Variants in SINHCAF observed in about 807,000 individuals in gnomAD.
SINHCAF encodes SIN3-HDAC complex associated factor, also known as SIN3-HDAC complex-associated factor.
SINHCAF carries 3 observed loss-of-function variants against 25.8 expected under a neutral mutation model. That is an observed-to-expected ratio of 0.12 (90% CI 0.05 to 0.30). The LOEUF is 0.30. Among genes scored for constraint, SINHCAF ranks in the 10% least tolerant of loss-of-function variants. SINHCAF has a pLI of 1.00. For missense variants in SINHCAF, 121 were observed against 262.3 expected (o/e 0.46, Z 3.72); for synonymous variants, 70 against 85.5 (o/e 0.82, Z 1.00).
intron 1 of SINHCAF, chr12:31,303,345 G>A (rs945959159): frequency 6.3e-6 from 3 of 475,422 alleles, no homozygotes; most frequent in African/African-American, 2.1e-5. Context: ...CATGTCCCAC[G>A]TTGGAGGGAA....
intron 1 of SINHCAF, among the ~76,000 whole-genome samples, chr12:31,318,951 A>G (rs1939600615): frequency 6.6e-6 from 1 of 152,238 alleles, no homozygotes. Flanking sequence ...AGAAAAATAA[A>G]TGCTATCTAT....
chr12:31,285,414 T>TACACAC (rs1258167143), intron 5 of SINHCAF, among the ~76,000 whole-genome samples: 683 of 43,940 alleles, frequency 0.016, 9 homozygotes, highest in African/African-American at 0.046. Context: ...TTTATATATA[T>TACACAC]ACATACACAC....
intron 4 of SINHCAF, among the ~76,000 whole-genome samples, chr12:31,291,747 T>C (rs371173519): frequency 9.9e-5 from 15 of 151,666 alleles, no homozygotes; most frequent in East Asian, 7.7e-4. Flanking sequence ...TCCAGCCTGG[T>C]TGACAGAGCA....
In SINHCAF at chr12:31,324,122, G is replaced by T. The variant is rs1270706357; in HGVS notation, c.-21+1902C>A. The T allele has an allele frequency of 7.3e-5, 33 of 451,748 alleles. 1 individual carries two copies. The highest frequency in any genetic ancestry group is 4.5e-4 in the South Asian group (29 of 64,266). The allele number at this position is 451,748 out of a possible 1,614,324, so 28.0% of individuals were successfully genotyped here. On this transcript the variant is annotated intron_variant, in intron 1 of 5. Transcript: ENST00000337682. This position sits in a 1 kb window ranked among gnomAD's most constrained non-coding sequence, Gnocchi z 5.5. The stretch of plus-strand genomic sequence containing the variant: ...GGGCGAGGGCAGCGGGAGGTGAACC[G>T]CGTCGCTCGCCGCCACCTCCCTCAC...
chr12:31,313,518 T>C (rs867756061), intron 1 of SINHCAF, among the ~76,000 whole-genome samples: 1 of 152,282 alleles, frequency 6.6e-6, no homozygotes, highest in Non-Finnish European at 1.5e-5. Flanking sequence ...TTGGCTATTC[T>C]TGGCCCTATT....
chr12:31,293,637 CCAA>C (rs1006260443), intron 4 of SINHCAF, among the ~76,000 whole-genome samples, 165 bp downstream of exon 4: 3 of 152,084 alleles, frequency 2.0e-5, no homozygotes, highest in Non-Finnish European at 4.4e-5. Context: ...AGAAAAAGTG[CCAA>C]CATTTCACAG....
At chr12:31,309,477 C>A (rs1423865835) in intron 1 of SINHCAF, among the ~76,000 whole-genome samples, 1 of 152,150 alleles carries the variant, frequency 6.6e-6, no homozygotes, top group Non-Finnish European at 1.5e-5. Context: ...CTTTCCTATG[C>A]CTATGTTAGA....
intron 1 of SINHCAF, among the ~76,000 whole-genome samples, chr12:31,316,589 A>AAAC (rs1939504063): frequency 6.6e-6 from 1 of 152,232 alleles, no homozygotes; most frequent in Non-Finnish European, 1.5e-5. Flanking sequence ...TTTTACATCT[A>AAAC]ATTAAACACA....
chr12:31,302,569 AG>A, intron 1 of SINHCAF, among the ~76,000 whole-genome samples: 1 of 150,990 alleles, frequency 6.6e-6, no homozygotes, highest in East Asian at 1.9e-4. Flanking sequence ...GCGCCCAGGA[AG>A]CACAGGTTCC....
chr12:31,320,681 G>C (rs1939663369), intron 1 of SINHCAF, among the ~76,000 whole-genome samples: 1 of 152,100 alleles, frequency 6.6e-6, no homozygotes, highest in Non-Finnish European at 1.5e-5. Context: ...AGGAGTCATT[G>C]TTTGCACTAT....
intron 1 of SINHCAF, among the ~76,000 whole-genome samples, chr12:31,315,624 C>CT (rs1939467442): frequency 6.6e-6 from 1 of 152,184 alleles, no homozygotes; most frequent in Non-Finnish European, 1.5e-5. Context: ...GTTTGTAACG[C>CT]TTATCTCTGA....
chr12:31,308,304 G>A (rs1474879490), intron 1 of SINHCAF, among the ~76,000 whole-genome samples: 1 of 152,136 alleles, frequency 6.6e-6, no homozygotes, highest in Non-Finnish European at 1.5e-5. Context: ...GATGGGATCA[G>A]GCTGGTCATT....
Position 31,306,975 on chromosome 12 carries a change from G to T in SINHCAF, c.-20-8751C>A, listed in dbSNP as rs183053053. Among the ~76,000 whole-genome samples the T allele has an allele frequency of 4.8e-3, 724 of 152,288 alleles. 4 individuals carry two copies. The highest frequency in any genetic ancestry group is 7.9e-3 in the Non-Finnish European group (535 of 68,032). On this transcript the variant is annotated intron_variant, in intron 1 of 5. Coordinates refer to ENST00000337682, the MANE Select transcript of SINHCAF (RefSeq NM_001135812.2). ...TAACCTTACCACCTTCTCCCCTCAA[G>T]TAAGATACATCTGTAAACCATTCTG...
intron 1 of SINHCAF, among the ~76,000 whole-genome samples, chr12:31,305,385 G>A (rs1432386570): frequency 6.6e-6 from 1 of 152,174 alleles, no homozygotes; most frequent in East Asian, 1.9e-4. Context: ...AACAGTGCAA[G>A]ATGTCCCCAT....
Position 31,325,463 on chromosome 12 carries a change from C to T in SINHCAF, c.-21+561G>A. ...AGACCCTCGGCCGCCAGCTCGGAAG[C>T]GGATGGCAACTTAGTTTCCGAGCGA... On this transcript the variant is annotated intron_variant, in intron 1 of 5. Transcript: ENST00000337682. This position sits in a 1 kb window ranked among gnomAD's most constrained non-coding sequence, Gnocchi z 5.9. 2.9e-6 allele frequency: 1 copy of T among 346,518 alleles called. No individual in the cohort carries two copies. Among genetic ancestry groups the T allele is most frequent in the Non-Finnish European group, 5.7e-6 (1 of 174,162 alleles). The allele number at this position is 346,518 out of a possible 1,614,324, so 21.5% of individuals were successfully genotyped here. A position where few individuals can be genotyped will look rare whatever the true frequency, so the allele number is the denominator to read the frequency against.
intron 1 of SINHCAF, among the ~76,000 whole-genome samples, chr12:31,317,696 G>A (rs1444396556): frequency 6.6e-6 from 1 of 151,738 alleles, no homozygotes; most frequent in East Asian, 1.9e-4. Flanking sequence ...AAAAAGCACA[G>A]AGAGCTTAAA....
At position 31,307,558 on chromosome 12, in the gene SINHCAF, A is replaced by G. The variant is rs566023866; in HGVS notation, c.-20-9334T>C. On this transcript the variant is annotated intron_variant, in intron 1 of 5. Transcript: ENST00000337682. Reference sequence around the variant, plus strand: ...TGACAGAGCAAGACCCTGTCTAAAAAAGAGAGAGAGAGAGAGAGTGGCAAG... The same window carrying G: ...TGACAGAGCAAGACCCTGTCTAAAAGAGAGAGAGAGAGAGAGAGTGGCAAG... Among the ~76,000 whole-genome samples the G allele has an allele frequency of 2.3e-4, 35 of 150,708 alleles. No individual in the cohort carries two copies. In the East Asian group the frequency reaches 5.3e-3, roughly 23 times the overall value.
At chr12:31,287,554 T>C (rs575741927) in intron 5 of SINHCAF, 80 bp downstream of exon 5, 1 of 1,161,866 alleles carries the variant, frequency 8.6e-7, no homozygotes, top group Admixed American at 2.2e-5. Flanking sequence ...CCAAATGCCA[T>C]TTAATTGCTA....
At chr12:31,304,120 A>AAG (rs1491454950) in intron 1 of SINHCAF, 2 of 5,622 alleles carry the variant, frequency 3.6e-4, no homozygotes, top group African/African-American at 1.5e-3. Flanking sequence ...ACTCTCCCTC[A>AAG]AAAAAAAAAA....
Sources: gnomAD v4.1 joint callset for allele counts (sites outside exome capture counted in the v4.1 genomes callset) on GRCh38, gnomAD v4.1.1 for gene constraint, Gnocchi (gnomAD v3.1) non-coding constraint, MANE v1.5 for transcripts, NCBI Gene and HGNC (gene_info 2026-07-23, HGNC 2026-07-21) for gene names.